AGMO: variants seen among roughly 807,000 people sequenced by gnomAD.
The protein encoded by AGMO is alkylglycerol monooxygenase, also known as glyceryl-ether monooxygenase.
In AGMO, 75 loss-of-function variants were observed where a neutral mutation model predicts 60.2. The observed-to-expected ratio is 1.25, with a 90% CI of 1.03 to 1.51. AGMO has a LOEUF of 1.51. Ranked by LOEUF, AGMO falls within the 40% of genes most tolerant of loss-of-function variation. The probability of loss-of-function intolerance (pLI) is 0.00; values close to 1 mark genes in which losing one functional copy is unlikely to be tolerated. For synonymous variants in AGMO, 261 were observed against 177.1 expected (o/e 1.47, Z -3.76); for missense variants, 763 against 525.5 (o/e 1.45, Z -4.42).
intron 3 of AGMO, among the ~76,000 whole-genome samples, chr7:15,447,965 T>C (rs1183228734): frequency 6.6e-6 from 1 of 152,210 alleles, no homozygotes; most frequent in Non-Finnish European, 1.5e-5. Flanking sequence ...TTCTTATAGA[T>C]TATTTGAATT....
chr7:15,313,245 T>TC (rs1780820102), intron 12 of AGMO, among the ~76,000 whole-genome samples: 1 of 152,112 alleles, frequency 6.6e-6, no homozygotes, highest in East Asian at 1.9e-4. Context: ...AAAAATAACA[T>TC]CCCCCATCAT....
intron 4 of AGMO, among the ~76,000 whole-genome samples, chr7:15,428,790 A>G (rs1781142864): frequency 6.6e-6 from 1 of 152,082 alleles, no homozygotes; most frequent in Non-Finnish European, 1.5e-5. Context: ...GCAACTTCAA[A>G]TGCAGCTACT....
intron 12 of AGMO, among the ~76,000 whole-genome samples, chr7:15,278,436 TG>T (rs1783861147): frequency 6.6e-6 from 1 of 152,028 alleles, no homozygotes; most frequent in African/African-American, 2.4e-5. Flanking sequence ...CTCAAGGGAC[TG>T]GACTGGGACT....
chr7:15,473,132 A>G (rs1782492355), intron 3 of AGMO, among the ~76,000 whole-genome samples: 1 of 152,056 alleles, frequency 6.6e-6, no homozygotes, highest in Admixed American at 6.6e-5. Flanking sequence ...CTACGCAAAT[A>G]AACTAGAAAA....
rs370265900 is a variant in AGMO at position 15,484,801 on chromosome 7, C to T, written c.410-53693G>A. 2.0e-5 allele frequency among the ~76,000 whole-genome samples: 3 copies of T among 152,098 alleles called. No individual in the cohort carries two copies. The East Asian group carries it at 5.8e-4, about 29-fold the overall frequency. ...AAAATTATATGAGAAACAACAAACT[C>T]AAAATGTCTCAGAGGAGGAGGAAAG... On this transcript the variant is annotated intron_variant, in intron 3 of 12. Transcript: ENST00000342526.
rs1784704442 is a variant in AGMO, at chr7:15,406,642, CATATATATGTGTATATATATGGAATAT to C, written c.609+11889_609+11915del. ...ACATGTGTGTATATATATGAATATACATATATATGTGTATATATATGGAATATACATATATATGTGTATATATATGGA... is the reference window on the plus strand; with the variant it reads ...ACATGTGTGTATATATATGAATATACACATATATATGTGTATATATATGGA... On this transcript the variant is annotated intron_variant, in intron 5 of 12. Transcript: ENST00000342526. Among the ~76,000 whole-genome samples the C allele has an allele frequency of 9.4e-5, 5 of 53,012 alleles. 2 individuals are homozygous for C. Among genetic ancestry groups the C allele is most frequent in the Non-Finnish European group, 1.8e-4 (5 of 27,682 alleles). The allele number at this position is 53,012 out of a possible 152,430, so 34.8% of individuals were successfully genotyped here.
chr7:15,524,908 A>T (rs957470327), intron 3 of AGMO, among the ~76,000 whole-genome samples: 6 of 151,328 alleles, frequency 4.0e-5, no homozygotes, highest in Admixed American at 6.6e-5. Context: ...GTCTTTGTTT[A>T]TTTCACACAC....
rs114841425 is a variant in AGMO at position 15,357,883 on chromosome 7, C to T, written c.1263+7631G>A. Among the ~76,000 whole-genome samples the T allele has an allele frequency of 3.3e-3, 496 of 152,214 alleles. 1 individual carries two copies. Among genetic ancestry groups the T allele is most frequent in the African/African-American group, 0.011 (456 of 41,526 alleles). ...TTTGCTTTAAGCCATTAAGTTTTGG[C>T]TTGGTCATGCAAAAACAGATAAATG... is the stretch of plus-strand genomic sequence containing the variant. On this transcript the variant is annotated intron_variant, in intron 12 of 12. Coordinates refer to ENST00000342526, the MANE Select transcript of AGMO (RefSeq NM_001004320.2).
chr7:15,530,682 A>G (rs1784287964), intron 3 of AGMO, among the ~76,000 whole-genome samples: 1 of 141,060 alleles, frequency 7.1e-6, no homozygotes. Context: ...TATATATTCT[A>G]TATATGTATT....
intron 5 of AGMO, among the ~76,000 whole-genome samples, chr7:15,415,538 T>A (rs779250655): frequency 7.3e-5 from 11 of 151,540 alleles, no homozygotes; most frequent in Non-Finnish European, 1.3e-4. Context: ...TGAGACTACC[T>A]CAAAGAAAAA....
intron 12 of AGMO, among the ~76,000 whole-genome samples, chr7:15,298,007 C>G (rs1784452161): frequency 6.6e-6 from 1 of 152,060 alleles, no homozygotes. Flanking sequence ...TACTTTAATT[C>G]TAGGTAAGTC....
chr7:15,400,760 A>G (rs563680685), intron 5 of AGMO, among the ~76,000 whole-genome samples: 2 of 152,356 alleles, frequency 1.3e-5, no homozygotes, highest in South Asian at 2.1e-4. Flanking sequence ...TCACAGAGCA[A>G]GGAACTGTAA....
chr7:15,457,782 G>A (rs940080468), intron 3 of AGMO, among the ~76,000 whole-genome samples: 43 of 152,168 alleles, frequency 2.8e-4, no homozygotes, highest in African/African-American at 9.9e-4. Flanking sequence ...CAAATCTGAA[G>A]AGTACCTTAC....
chr7:15,360,848 G>A (rs180866162), intron 12 of AGMO, among the ~76,000 whole-genome samples: 66 of 152,240 alleles, frequency 4.3e-4, no homozygotes, highest in African/African-American at 1.2e-3. Flanking sequence ...TAAAGAGTAC[G>A]TACGCATGCC....
At chr7:15,329,110 G>A (rs191134109) in intron 12 of AGMO, among the ~76,000 whole-genome samples, 72 of 152,118 alleles carry the variant, frequency 4.7e-4, no homozygotes, top group African/African-American at 1.5e-3. Context: ...CCACATATTG[G>A]ACTTACCACT....
chr7:15,356,067 T>G (rs1782519394), intron 12 of AGMO, among the ~76,000 whole-genome samples: 1 of 152,190 alleles, frequency 6.6e-6, no homozygotes, highest in South Asian at 2.1e-4. Flanking sequence ...AGGTTAGAAA[T>G]CTGACAATTA....
the AGMO span, among the ~76,000 whole-genome samples, chr7:15,162,899 C>G: frequency 5.4e-4 from 82 of 152,148 alleles, no homozygotes; most frequent in African/African-American, 1.8e-3. Flanking sequence ...ATCTGTAGAT[C>G]ACTTTGGCCT....
At chr7:15,248,214 A>G (rs185353267) in intron 12 of AGMO, among the ~76,000 whole-genome samples, 1,339 of 70,758 alleles carry the variant, frequency 0.019, 59 homozygotes, top group Middle Eastern at 0.042. Context: ...ATATATATAT[A>G]TATATATATA....
At chr7:15,329,472 G>A (rs553277347) in intron 12 of AGMO, among the ~76,000 whole-genome samples, 6 of 152,254 alleles carry the variant, frequency 3.9e-5, no homozygotes, top group African/African-American at 1.4e-4. Flanking sequence ...GTGTGGCCTT[G>A]AACCAGGCAA....
Sources: allele counts gnomAD v4.1 joint callset (sites outside exome capture counted in the v4.1 genomes callset), GRCh38; gene constraint gnomAD v4.1.1; transcripts MANE v1.5; gene names NCBI Gene and HGNC (gene_info 2026-07-23, HGNC 2026-07-21).